Variants in NCALD observed in about 807,000 individuals in gnomAD.
The protein encoded by NCALD is neurocalcin-delta.
Under a neutral mutation model 18.6 loss-of-function variants are expected in NCALD, and 10 were observed. The ratio of observed to expected loss-of-function variants is 0.54; its 90% CI spans 0.33 to 0.91. NCALD has a LOEUF of 0.91. Among genes scored for constraint, NCALD ranks in the 40% least tolerant of loss-of-function variants. The pLI is 0.03. For synonymous variants in NCALD, 88 were observed against 87.4 expected, an observed-to-expected ratio of 1.01 and a Z score of -0.04; for missense variants, 184 against 247.6, an observed-to-expected ratio of 0.74 and a Z score of 1.72.
intron 2 of NCALD, among the ~76,000 whole-genome samples, chr8:101,972,479 T>G (rs1414882613): frequency 6.6e-6 from 1 of 152,196 alleles, no homozygotes; most frequent in Non-Finnish European, 1.5e-5. Context: ...ATGGCCTTGA[T>G]GAGAATAACA....
Position 101,980,066 on chromosome 8 carries a change from A to C in NCALD, c.-157+40171T>G, listed in dbSNP as rs141183713. Among the ~76,000 whole-genome samples, 624 of 152,238 alleles carry C rather than the reference A, an allele frequency of 4.1e-3. 3 individuals are homozygous for C. Among genetic ancestry groups the C allele is most frequent in the Middle Eastern group, 6.8e-3 (2 of 294 alleles). On this transcript the variant is annotated intron_variant, in intron 2 of 6. Transcript: ENST00000311028. ...CCAAGGCCAAAATGGGGGTGGGGGCAGGGGGCACTGGTTGATTCCACATCA... is the reference window on the plus strand; with the variant it reads ...CCAAGGCCAAAATGGGGGTGGGGGCCGGGGGCACTGGTTGATTCCACATCA...
chr8:102,072,607 A>AAAT (rs559469098), intron 1 of NCALD, among the ~76,000 whole-genome samples: 359 of 151,770 alleles, frequency 2.4e-3, no homozygotes, highest in Middle Eastern at 3.4e-3. Context: ...GAAGAAAGCA[A>AAAT]AATAATAATA....
Position 102,016,094 on chromosome 8 carries a change from C to T in NCALD, c.-157+4143G>A, listed in dbSNP as rs536813847. On this transcript the variant is annotated intron_variant, in intron 2 of 6. Coordinates refer to the NCALD transcript ENST00000311028. ...CATCTTCCTAGCCCCAAGGTCCAAG[C>T]AAAAATCCACTGATTCTTGGAAAGG... Among the ~76,000 whole-genome samples the T allele has an allele frequency of 2.0e-5, 3 of 152,208 alleles. No individual in the cohort carries two copies. The East Asian group carries it at 5.8e-4, about 29-fold the overall frequency.
At chr8:101,846,250 C>A (rs1196293907) in intron 4 of NCALD, among the ~76,000 whole-genome samples, 1 of 152,162 alleles carries the variant, frequency 6.6e-6, no homozygotes, top group Non-Finnish European at 1.5e-5. Flanking sequence ...ACTCTCCATA[C>A]TTTTTTCCGT....
At chr8:102,021,815 G>A (rs1563549323) in intron 1 of NCALD, among the ~76,000 whole-genome samples, 1 of 152,210 alleles carries the variant, frequency 6.6e-6, no homozygotes. Context: ...TTGAAGTAGA[G>A]AGGATGGGAG....
At chr8:101,808,723 A>G (rs1363769392) in intron 4 of NCALD, among the ~76,000 whole-genome samples, 1 of 152,074 alleles carries the variant, frequency 6.6e-6, no homozygotes, top group South Asian at 2.1e-4. Context: ...GCTTGGGACC[A>G]TGAGTATGGT....
chr8:101,845,402 T>G (rs2131307403), intron 4 of NCALD, among the ~76,000 whole-genome samples: 1 of 152,346 alleles, frequency 6.6e-6, no homozygotes, highest in South Asian at 2.1e-4. Context: ...TTAATTGTAC[T>G]GAGTTCATTA....
intron 1 of NCALD, among the ~76,000 whole-genome samples, chr8:101,763,966 C>CTCTCTCTCTACA (rs1491550100): frequency 4.7e-5 from 4 of 85,298 alleles, no homozygotes; most frequent in African/African-American, 1.6e-4. Context: ...CTCTCTCTCT[C>CTCTCTCTCTACA]CACACACACA....
chr8:102,011,784 C>T (rs557054595), intron 2 of NCALD, among the ~76,000 whole-genome samples: 1 of 152,202 alleles, frequency 6.6e-6, no homozygotes, highest in African/African-American at 2.4e-5. Context: ...TCAAATTTAT[C>T]TTATAACTCA....
chr8:101,731,762 T>A (rs1030842607), intron 1 of NCALD, among the ~76,000 whole-genome samples: 2 of 152,120 alleles, frequency 1.3e-5, no homozygotes, highest in South Asian at 4.1e-4. Context: ...TCCAAGTCCA[T>A]CTAATGTCTA....
At chr8:102,020,335 G>T (rs909202073) in intron 1 of NCALD, 1 of 152,066 alleles carries the variant, frequency 6.6e-6, no homozygotes, top group Non-Finnish European at 1.5e-5. Flanking sequence ...GAACTAGGAA[G>T]AATAATTAAA....
At chr8:101,895,236 C>T (rs1270698345) in intron 3 of NCALD, among the ~76,000 whole-genome samples, 1 of 144,584 alleles carries the variant, frequency 6.9e-6, no homozygotes, top group East Asian at 2.0e-4. Context: ...TGTAATCCAG[C>T]ATATAAACAG....
chr8:101,972,964 G>A (rs1820296041), intron 2 of NCALD, among the ~76,000 whole-genome samples: 1 of 152,136 alleles, frequency 6.6e-6, no homozygotes, highest in African/African-American at 2.4e-5. Context: ...GAGCCAGGGT[G>A]AAACAAAGAG....
At chr8:101,875,937 C>G (rs1816209826) in intron 4 of NCALD, among the ~76,000 whole-genome samples, 2 of 152,196 alleles carry the variant, frequency 1.3e-5, no homozygotes, top group African/African-American at 4.8e-5. Context: ...TGAACTGATT[C>G]TTTCTCTATT....
intron 2 of NCALD, among the ~76,000 whole-genome samples, chr8:101,980,332 T>C (rs1008378507): frequency 6.6e-6 from 1 of 152,182 alleles, no homozygotes; most frequent in Non-Finnish European, 1.5e-5. Context: ...GGGGGAGGCA[T>C]GCACAGTGCA....
At chr8:101,864,470 G>C (rs1004930750) in intron 4 of NCALD, among the ~76,000 whole-genome samples, 1 of 152,162 alleles carries the variant, frequency 6.6e-6, no homozygotes, top group African/African-American at 2.4e-5. Flanking sequence ...GATCTGGAGA[G>C]AGAGAGGTGA....
chr8:102,105,228 T>C (rs1335950193), intron 1 of NCALD, among the ~76,000 whole-genome samples: 3 of 152,204 alleles, frequency 2.0e-5, no homozygotes, highest in Admixed American at 6.5e-5. Context: ...TATAGATACA[T>C]ACAGATTCTT....
chr8:102,014,458 G>T (rs751888894), intron 2 of NCALD, among the ~76,000 whole-genome samples: 49 of 151,842 alleles, frequency 3.2e-4, no homozygotes, highest in Non-Finnish European at 8.8e-5. Flanking sequence ...ATTCTGGGGG[G>T]TATACAAATG....
chr8:101,771,851 T>A (rs1282592448), intron 1 of NCALD, among the ~76,000 whole-genome samples: 1 of 152,230 alleles, frequency 6.6e-6, no homozygotes, highest in East Asian at 1.9e-4. Context: ...AGGTACTATC[T>A]ATGTCAGCAA....
Sources: gnomAD v4.1 joint callset for allele counts (sites outside exome capture counted in the v4.1 genomes callset) on GRCh38, gnomAD v4.1.1 for gene constraint, MANE v1.5 for transcripts, NCBI Gene and HGNC (gene_info 2026-07-23, HGNC 2026-07-21) for gene names.